MGRN1: variants seen among roughly 807,000 people sequenced by gnomAD.
MGRN1 encodes the protein E3 ubiquitin-protein ligase MGRN1.
A neutral mutation model predicts 69.2 loss-of-function variants in MGRN1; 29 were observed. The ratio of observed to expected loss-of-function variants is 0.42; its 90% CI spans 0.31 to 0.57. The LOEUF is 0.57. MGRN1 is among the 20% of genes least tolerant of loss of function. The pLI is 0.15. For synonymous variants in MGRN1, 470 were observed against 344.2 expected (o/e 1.37, Z -4.04); for missense variants, 998 against 796.2 (o/e 1.25, Z -3.05).
chr16:4,659,834 C>T (rs1220144374), intron 5 of MGRN1, among the ~76,000 whole-genome samples: 2 of 152,190 alleles, frequency 1.3e-5, no homozygotes, highest in African/African-American at 4.8e-5. Flanking sequence ...CCTGAGATTT[C>T]TTCCAGGGCC....
intron 7 of MGRN1, 47 bp downstream of exon 7, chr16:4,665,198 CA>C (rs1164229262): frequency 2.8e-5 from 45 of 1,604,934 alleles, no homozygotes; most frequent in Non-Finnish European, 3.8e-5. Flanking sequence ...GGGAGCTGGG[CA>C]GGGGGTGGCC....
At chr16:4,632,469 C>T (rs1031574208) in intron 1 of MGRN1, among the ~76,000 whole-genome samples, 1 of 151,988 alleles carries the variant, frequency 6.6e-6, no homozygotes, top group Admixed American at 6.6e-5. Context: ...TCTCTGCTCA[C>T]TGCAAGCTCT....
At chr16:4,645,451 TG>T (rs1286738216) in intron 1 of MGRN1, among the ~76,000 whole-genome samples, 1 of 152,166 alleles carries the variant, frequency 6.6e-6, no homozygotes, top group Non-Finnish European at 1.5e-5. Flanking sequence ...CATGAACCAC[TG>T]GCCCAGCTTA....
intron 11 of MGRN1, among the ~76,000 whole-genome samples, 184 bp from the exon 12 acceptor site, chr16:4,679,848 A>G (rs966597472): frequency 1.3e-5 from 2 of 152,186 alleles, no homozygotes; most frequent in African/African-American, 4.8e-5. Flanking sequence ...GCCGAGACGC[A>G]CACATGGCCC....
At chr16:4,686,482 C>T (rs1340136498) in intron 16 of MGRN1, 3 of 1,388,176 alleles carry the variant, frequency 2.2e-6, no homozygotes, top group African/African-American at 1.5e-5. Flanking sequence ...CACCTTCCCC[C>T]AGAAAGTGGC....
chr16:4,682,914 G>A lies in MGRN1; in HGVS notation c.1450G>A (p.Glu484Lys), dbSNP rs562584538. The change falls in exon 14 of 17, where the codon GAG becomes AAG. Residue 484 changes from glutamate (E) to lysine (K), a missense_variant. By Grantham distance (56) the Glu-to-Lys change is moderately conservative. Coordinates refer to ENST00000262370, the MANE Select transcript of MGRN1 (RefSeq NM_015246.4). ...VDAPPPLGGAELALRESSSPE... is the reference protein window; with the variant it reads ...VDAPPPLGGAKLALRESSSPE... ...CGCCCCTCCCCCACTGGGTGGCGCA[G>A]AGCTGGCCCTGCGGGAAAGCAGCTC... The A allele has an allele frequency of 3.7e-6, 6 of 1,603,094 alleles. No individual in the cohort carries two copies. The highest frequency in any genetic ancestry group is 5.1e-6 in the Non-Finnish European group (6 of 1,172,786).
At chr16:4,672,350 T>C (rs1195586802) in intron 9 of MGRN1, 1 of 456,724 alleles carries the variant, frequency 2.2e-6, no homozygotes, top group East Asian at 6.9e-5. Context: ...GCCTGGTCGA[T>C]GAACTTGTTA....
At chr16:4,679,823 C>T (rs1170723506) in intron 11 of MGRN1, among the ~76,000 whole-genome samples, 1 of 152,168 alleles carries the variant, frequency 6.6e-6, no homozygotes, top group African/African-American at 2.4e-5. Context: ...TGCAGCAGCA[C>T]AGCTCCCGGG....
chr16:4,671,770 TC>T lies in MGRN1; in HGVS notation c.795+315del, dbSNP rs143321090. 7.7e-3 allele frequency among the ~76,000 whole-genome samples: 1,179 copies of T among 152,214 alleles called. 13 individuals are homozygous for T. Among genetic ancestry groups the T allele is most frequent in the African/African-American group, 0.027 (1,111 of 41,526 alleles). On this transcript the variant is annotated intron_variant, in intron 9 of 16. Coordinates refer to ENST00000262370, the MANE Select transcript of MGRN1 (RefSeq NM_015246.4). Reference sequence around the variant, plus strand: ...CCCTGCTGCCCGGCTCCTGCCCGCCTCCCCAGAGACAGCACGTCCCTGCAGC... The same window carrying T: ...CCCTGCTGCCCGGCTCCTGCCCGCCTCCCAGAGACAGCACGTCCCTGCAGC...
At chr16:4,625,342 G>A (rs1897618705) in intron 1 of MGRN1, among the ~76,000 whole-genome samples, 1 of 152,204 alleles carries the variant, frequency 6.6e-6, no homozygotes, top group African/African-American at 2.4e-5. Flanking sequence ...GAGCTCCTGG[G>A]GGAAACCCCG....
intron 1 of MGRN1, 61 bp from the exon 2 acceptor site, chr16:4,650,304 T>G: frequency 1.4e-6 from 2 of 1,384,710 alleles, no homozygotes; most frequent in Non-Finnish European, 2.0e-6. Flanking sequence ...CACTCTAGCC[T>G]GAGACTCTGT....
At chr16:4,631,837 A>C (rs1322487335) in intron 1 of MGRN1, among the ~76,000 whole-genome samples, 1 of 151,922 alleles carries the variant, frequency 6.6e-6, no homozygotes, top group Non-Finnish European at 1.5e-5. Flanking sequence ...CTGTCTTTAC[A>C]GTGCTGACTC....
intron 10 of MGRN1, among the ~76,000 whole-genome samples, chr16:4,674,775 G>C (rs1474501929): frequency 6.7e-6 from 1 of 149,456 alleles, no homozygotes; most frequent in Middle Eastern, 3.4e-3. Flanking sequence ...CGAGTAGCTG[G>C]GATTACAGGC....
At chr16:4,674,356 T>C (rs2079006862) in intron 10 of MGRN1, among the ~76,000 whole-genome samples, 1 of 151,870 alleles carries the variant, frequency 6.6e-6, no homozygotes, top group Non-Finnish European at 1.5e-5. Flanking sequence ...TGTTGCAGTC[T>C]CGGCTCACTG....
At chr16:4,661,860 G>T (rs1019183775) in intron 5 of MGRN1, among the ~76,000 whole-genome samples, 5 of 152,232 alleles carry the variant, frequency 3.3e-5, no homozygotes, top group African/African-American at 1.2e-4. Flanking sequence ...CCTGCCCAGG[G>T]CTTCTTGTGT....
At chr16:4,686,279 T>C in intron 16 of MGRN1, 1 of 1,544,872 alleles carries the variant, frequency 6.5e-7, no homozygotes, top group Non-Finnish European at 8.7e-7. Context: ...CGACTCCTGC[T>C]CTGTTGGTAT....
chr16:4,629,792 T>C (rs1897903025), intron 1 of MGRN1, among the ~76,000 whole-genome samples: 1 of 149,942 alleles, frequency 6.7e-6, no homozygotes, highest in Admixed American at 6.7e-5. Context: ...ATGCCTGTCA[T>C]CTCAGCATTT....
At position 4,683,008 on chromosome 16, in the gene MGRN1, C is replaced by T. The variant is rs1337052943; in HGVS notation, c.1482+62C>T. The T allele has an allele frequency of 1.1e-5, 16 of 1,491,340 alleles. No homozygotes were observed. In the Middle Eastern group the frequency reaches 1.4e-3, roughly 130 times the overall value. The allele number at this position is 1,491,340 out of a possible 1,614,324, so 92.4% of individuals were successfully genotyped here. ...GGGCCAGCCCTCCTCCAGCTTCTGT[C>T]GCTGGAATCAGACCCCATCCCACTG... On this transcript the variant is annotated intron_variant, in intron 14 of 16. Transcript: ENST00000262370.
intron 10 of MGRN1, among the ~76,000 whole-genome samples, chr16:4,676,622 C>T (rs2079058820): frequency 6.6e-6 from 1 of 152,188 alleles, no homozygotes; most frequent in African/African-American, 2.4e-5. Flanking sequence ...TGTCCCTGGG[C>T]TGACGGCAGA....
Sources: allele counts gnomAD v4.1 joint callset (sites outside exome capture counted in the v4.1 genomes callset), GRCh38; gene constraint gnomAD v4.1.1; transcripts MANE v1.5; gene names NCBI Gene and HGNC (gene_info 2026-07-23, HGNC 2026-07-21).